Variants in XPR1 observed in about 807,000 individuals in gnomAD.
XPR1 encodes the protein xenotropic and polytropic retrovirus receptor 1, also known as solute carrier family 53 member 1.
In XPR1, 28 loss-of-function variants were observed where a neutral mutation model predicts 87.5. The observed-to-expected ratio is 0.32, with a 90% CI of 0.24 to 0.44. The LOEUF is 0.44. Ranked by LOEUF, XPR1 falls within the 20% of genes least tolerant of loss-of-function variation. The probability of loss-of-function intolerance (pLI) is 1.00; values close to 1 mark genes in which losing one functional copy is unlikely to be tolerated. For synonymous variants in XPR1, 300 were observed against 306.1 expected (o/e 0.98, Z 0.21); for missense variants, 559 against 862.3 (o/e 0.65, Z 4.41).
intron 1 of XPR1, among the ~76,000 whole-genome samples, chr1:180,632,717 A>T (rs1654632756): frequency 6.6e-6 from 1 of 152,180 alleles, no homozygotes; most frequent in African/African-American, 2.4e-5. Context: ...TACACCTCTC[A>T]CCAAGGAATC....
At chr1:180,854,786 C>G (rs1651978085) in intron 11 of XPR1, among the ~76,000 whole-genome samples, 1 of 152,130 alleles carries the variant, frequency 6.6e-6, no homozygotes, top group South Asian at 2.1e-4. Flanking sequence ...TGTGACTGAC[C>G]TCCTGCCTTT....
chr1:180,856,565 C>T (rs982084375), intron 11 of XPR1, among the ~76,000 whole-genome samples: 1 of 152,138 alleles, frequency 6.6e-6, no homozygotes, highest in African/African-American at 2.4e-5. Flanking sequence ...AAAAAATAAA[C>T]TCATTTTTTT....
At chr1:180,839,353 A>G (rs1425115546) in intron 11 of XPR1, among the ~76,000 whole-genome samples, 1 of 152,256 alleles carries the variant, frequency 6.6e-6, no homozygotes, top group Non-Finnish European at 1.5e-5. Flanking sequence ...AGACCATCGT[A>G]TGATTATTAA....
At chr1:180,660,486 TATAA>T (rs1411968316) in intron 1 of XPR1, among the ~76,000 whole-genome samples, 1 of 152,210 alleles carries the variant, frequency 6.6e-6, no homozygotes, top group Non-Finnish European at 1.5e-5. Flanking sequence ...CACTTATAGC[TATAA>T]ACTTTCCTCT....
At chr1:180,718,670 T>A (rs930482937) in intron 2 of XPR1, among the ~76,000 whole-genome samples, 1 of 57,298 alleles carries the variant, frequency 1.7e-5, no homozygotes, top group Non-Finnish European at 4.2e-5. Context: ...AGCATCTGTA[T>A]TTTTTTTTTT....
intron 2 of XPR1, among the ~76,000 whole-genome samples, chr1:180,730,702 T>C (rs12081846): frequency 0.043 from 6,548 of 152,242 alleles, 498 homozygotes; most frequent in African/African-American, 0.15. Context: ...CTCACTCCGT[T>C]GCTTAGGCTG....
intron 1 of XPR1, among the ~76,000 whole-genome samples, chr1:180,640,922 T>C (rs1654942405): frequency 1.3e-5 from 2 of 152,328 alleles, no homozygotes; most frequent in South Asian, 4.1e-4. Context: ...TTAGCTCAAC[T>C]TCCTTTTTTA....
intron 2 of XPR1, among the ~76,000 whole-genome samples, chr1:180,728,301 G>GT (rs914088345): frequency 1.4e-5 from 2 of 146,542 alleles, no homozygotes; most frequent in Admixed American, 6.8e-5. Context: ...TATAACTGGG[G>GT]GGGGGGGTAG....
At chr1:180,880,833 TACA>T (rs10581508) in intron 14 of XPR1, among the ~76,000 whole-genome samples, 50,861 of 151,890 alleles carry the variant, frequency 0.33, 8,851 homozygotes, top group Non-Finnish European at 0.38. Context: ...ATTAAATACC[TACA>T]ACAATATTTT....
intron 2 of XPR1, among the ~76,000 whole-genome samples, chr1:180,719,626 T>G (rs552227688): frequency 4.6e-5 from 7 of 152,354 alleles, no homozygotes; most frequent in African/African-American, 1.7e-4. Context: ...TAATTGTACA[T>G]ATTTGTGGGG....
intron 9 of XPR1, among the ~76,000 whole-genome samples, chr1:180,826,051 A>C (rs1199987345): frequency 2.1e-5 from 3 of 139,632 alleles, no homozygotes; most frequent in African/African-American, 8.4e-5. Flanking sequence ...ACTCCATCTC[A>C]AAAAAAAGAA....
intron 9 of XPR1, among the ~76,000 whole-genome samples, chr1:180,828,834 T>G (rs1423632321): frequency 6.6e-6 from 1 of 151,870 alleles, no homozygotes; most frequent in Non-Finnish European, 1.5e-5. Context: ...CATTTAACAC[T>G]TAGCCCTATT....
chr1:180,765,988 CAA>C (rs1004931097), intron 2 of XPR1, among the ~76,000 whole-genome samples: 1 of 151,982 alleles, frequency 6.6e-6, no homozygotes, highest in African/African-American at 2.4e-5. Context: ...AAAGAAAAAA[CAA>C]AAGACACCGA....
chr1:180,723,918 T>C (rs1238332652), intron 2 of XPR1, among the ~76,000 whole-genome samples: 1 of 152,206 alleles, frequency 6.6e-6, no homozygotes, highest in Non-Finnish European at 1.5e-5. Flanking sequence ...CCATTAGTGC[T>C]TTTCAGTCTT....
intron 11 of XPR1, among the ~76,000 whole-genome samples, chr1:180,842,254 A>C (rs532250928): frequency 6.6e-6 from 1 of 152,296 alleles, no homozygotes; most frequent in East Asian, 1.9e-4. Flanking sequence ...TTACCATAGC[A>C]ACAGCATTAT....
rs111523159 is a variant in XPR1, at chr1:180,797,667, A to T, written c.224-5721A>T. Among the ~76,000 whole-genome samples, 697 of 152,284 alleles carry T rather than the reference A, an allele frequency of 4.6e-3. 5 individuals are homozygous for T. The highest frequency in any genetic ancestry group is 0.016 in the African/African-American group (667 of 41,590). On this transcript the variant is annotated intron_variant, in intron 3 of 14. Transcript: ENST00000367590. ...TGATATTCTGTTTTCTGGCTAGTTTACCTGCAGTTTTTAGTCAGCAGAATA... is the reference window on the plus strand; with the variant it reads ...TGATATTCTGTTTTCTGGCTAGTTTTCCTGCAGTTTTTAGTCAGCAGAATA...
At chr1:180,686,114 G>A (rs1351542366) in intron 2 of XPR1, among the ~76,000 whole-genome samples, 2 of 152,040 alleles carry the variant, frequency 1.3e-5, no homozygotes, top group South Asian at 4.1e-4. Flanking sequence ...GCTTTCTCTT[G>A]TGGGCATTTA....
At chr1:180,660,090 C>G (rs967158124) in intron 1 of XPR1, among the ~76,000 whole-genome samples, 8 of 151,982 alleles carry the variant, frequency 5.3e-5, no homozygotes, top group African/African-American at 1.9e-4. Context: ...ATGGTTCACT[C>G]TTGTTTGGTT....
chr1:180,847,321 T>A (rs1651718564), intron 11 of XPR1, among the ~76,000 whole-genome samples: 2 of 152,318 alleles, frequency 1.3e-5, no homozygotes, highest in Middle Eastern at 3.4e-3. Context: ...AAAGTAGTAT[T>A]TCTTACCTAA....
Sources: allele counts gnomAD v4.1 joint callset (sites outside exome capture counted in the v4.1 genomes callset), GRCh38; gene constraint gnomAD v4.1.1; transcripts MANE v1.5; gene names NCBI Gene and HGNC (gene_info 2026-07-23, HGNC 2026-07-21).